The following NELL1 variants were observed in gnomAD, a reference collection of about 807,000 sequenced individuals.
NELL1 encodes neural EGFL like 1.
A neutral mutation model predicts 107.4 loss-of-function variants in NELL1; 76 were observed. The ratio of observed to expected loss-of-function variants is 0.71; its 90% CI spans 0.59 to 0.86. The LOEUF is 0.86. NELL1 is among the 40% of genes least tolerant of loss of function. The pLI is 0.00. For missense variants in NELL1, 1,024 were observed against 1,005.5 expected, an observed-to-expected ratio of 1.02 and a Z score of -0.25; for synonymous variants, 353 against 341.2, an observed-to-expected ratio of 1.03 and a Z score of -0.38.
At chr11:21,142,622 A>G (rs1855893897) in intron 13 of NELL1, among the ~76,000 whole-genome samples, 1 of 152,162 alleles carries the variant, frequency 6.6e-6, no homozygotes, top group African/African-American at 2.4e-5. Flanking sequence ...TGTGGTTCTG[A>G]AGTAATAGAA....
At chr11:21,200,497 A>G (rs1857244977) in intron 13 of NELL1, among the ~76,000 whole-genome samples, 1 of 151,762 alleles carries the variant, frequency 6.6e-6, no homozygotes, top group Non-Finnish European at 1.5e-5. Context: ...TTTTTCTTGT[A>G]AATTTGTTGA....
At chr11:21,405,812 T>TC (rs554819042) in intron 15 of NELL1, among the ~76,000 whole-genome samples, 40 of 151,858 alleles carry the variant, frequency 2.6e-4, no homozygotes, top group Non-Finnish European at 4.3e-4. Flanking sequence ...TTATTTTCCT[T>TC]CCCCCAACCT....
chr11:20,948,534 T>G (rs961763661), intron 11 of NELL1, among the ~76,000 whole-genome samples: 2 of 152,132 alleles, frequency 1.3e-5, no homozygotes, highest in Admixed American at 1.3e-4. Context: ...GACAATAGTT[T>G]ATTGTTAAGT....
intron 14 of NELL1, among the ~76,000 whole-genome samples, chr11:21,233,388 T>C (rs1020550775): frequency 3.3e-5 from 5 of 152,192 alleles, no homozygotes; most frequent in African/African-American, 1.2e-4. Flanking sequence ...TTTCCCTCCC[T>C]TTCCTCCTTT....
intron 15 of NELL1, among the ~76,000 whole-genome samples, chr11:21,409,499 T>A (rs1351814742): frequency 1.3e-5 from 2 of 151,802 alleles, no homozygotes; most frequent in Admixed American, 6.6e-5. Flanking sequence ...AGTTAATGGG[T>A]GCAGCACACC....
In NELL1 at chr11:20,705,644, C is replaced by T. The variant is rs959085713; in HGVS notation, c.184+27584C>T. On this transcript the variant is annotated intron_variant, in intron 2 of 19. Coordinates refer to ENST00000357134, the MANE Select transcript of NELL1 (RefSeq NM_006157.5). ...TCTAAAACACCAAAAGCAATGGCAA[C>T]AAAAGCCAAAATTGACAAATGGGAT... is the stretch of plus-strand genomic sequence containing the variant. Among the ~76,000 whole-genome samples, 5 of 142,338 alleles carry T rather than the reference C, an allele frequency of 3.5e-5. 2 individuals are homozygous for T. The highest frequency in any genetic ancestry group is 6.2e-5 in the Non-Finnish European group (4 of 64,468). 93.4% of individuals were successfully genotyped at this position (142,338 alleles called of 152,430 possible). A position where few individuals can be genotyped will look rare whatever the true frequency, so the allele number is the denominator to read the frequency against.
At chr11:21,288,862 A>AG (rs1203406479) in intron 14 of NELL1, among the ~76,000 whole-genome samples, 3 of 152,148 alleles carry the variant, frequency 2.0e-5, no homozygotes, top group Non-Finnish European at 2.9e-5. Context: ...ATTGTCAGTC[A>AG]GGGGGCCTCC....
intron 10 of NELL1, among the ~76,000 whole-genome samples, chr11:20,946,290 T>C (rs1299987000): frequency 1.3e-5 from 2 of 152,164 alleles, no homozygotes; most frequent in African/African-American, 4.8e-5. Context: ...AGATGCCTCT[T>C]CTTGAGCTTG....
At position 20,927,441 on chromosome 11, in the gene NELL1, A is replaced by C; in HGVS notation, c.893A>C (p.Lys298Thr). 6.2e-7 allele frequency: 1 copy of C among 1,607,836 alleles called. No homozygotes were observed. Among genetic ancestry groups the C allele is most frequent in the Non-Finnish European group, 8.5e-7 (1 of 1,178,842 alleles). ...GACCATTGCAGGAACTGCACTTGCA[A>C]AGTAAGCCTCTTTGTAAATAAATAC... ...DGDHCRNCTC[K>T]SGAVECRRMS... The change falls in exon 8 of 20, where the codon AAA (lysine) becomes ACA (threonine). Residue 298 changes from lysine (K) to threonine (T), a missense_variant and splice_region_variant. By Grantham distance (78) the Lys-to-Thr change is moderately conservative (BLOSUM62 -1). Transcript: ENST00000357134.
At chr11:21,425,197 C>T (rs1438163550) in intron 15 of NELL1, among the ~76,000 whole-genome samples, 1 of 152,030 alleles carries the variant, frequency 6.6e-6, no homozygotes. Flanking sequence ...CAAAGCAATC[C>T]CAATGACTCA....
Position 21,318,999 on chromosome 11 carries a change from G to T in NELL1, c.1550-51854G>T, listed in dbSNP as rs1302594240. On this transcript the variant is annotated intron_variant, in intron 14 of 19. Transcript: ENST00000357134. ...CTTTGGATTAAATGAGGTAATACTT[G>T]TAATGAGCTTGCTTAGAACATTGTG... 2.6e-5 allele frequency among the ~76,000 whole-genome samples: 4 copies of T among 151,968 alleles called. No individual in the cohort carries two copies. The South Asian group carries it at 8.3e-4, about 31-fold the overall frequency.
intron 12 of NELL1, among the ~76,000 whole-genome samples, chr11:20,980,814 T>G (rs1182153278): frequency 1.3e-5 from 2 of 152,162 alleles, no homozygotes; most frequent in African/African-American, 4.8e-5. Flanking sequence ...CACCAAATAT[T>G]TTTGATTCTA....
chr11:21,267,809 T>C (rs1848664045), intron 14 of NELL1, among the ~76,000 whole-genome samples: 1 of 152,176 alleles, frequency 6.6e-6, no homozygotes, highest in South Asian at 2.1e-4. Flanking sequence ...CTACTGGGCA[T>C]CTTTATGTGG....
At chr11:21,152,118 C>G (rs1039277024) in intron 13 of NELL1, among the ~76,000 whole-genome samples, 5 of 152,284 alleles carry the variant, frequency 3.3e-5, no homozygotes, top group Middle Eastern at 3.4e-3. Flanking sequence ...CTTCTAATGT[C>G]CTGCTATACC....
chr11:21,042,569 G>A (rs1363307962), intron 12 of NELL1, among the ~76,000 whole-genome samples: 2 of 152,166 alleles, frequency 1.3e-5, no homozygotes, highest in East Asian at 1.9e-4. Flanking sequence ...AAAAGCTGGG[G>A]CCTCAGATGA....
At chr11:21,404,697 A>C (rs750344512) in intron 15 of NELL1, among the ~76,000 whole-genome samples, 2 of 152,038 alleles carry the variant, frequency 1.3e-5, no homozygotes, top group African/African-American at 2.4e-5. Context: ...GAAAATTAGA[A>C]ATTTTAGGCA....
rs780205351 is a variant in NELL1 at position 20,928,479 on chromosome 11, C to T, written c.997C>T (p.Pro333Ser). ...IAGQCCKVCRPKCIYGGKVLA... is the reference protein window; with the variant it reads ...IAGQCCKVCRSKCIYGGKVLA... Reference sequence around the variant, plus strand: ...TGGCCAGTGCTGTAAGGTCTGCCGACGTAAGTACTGACTGAGGGTCAGACT... The same window carrying T: ...TGGCCAGTGCTGTAAGGTCTGCCGATGTAAGTACTGACTGAGGGTCAGACT... Residue 333 changes from proline to serine, a missense_variant and splice_region_variant, in exon 9 of 20, where the codon CCA becomes TCA. By Grantham distance (74) the Pro-to-Ser change is moderately conservative. Transcript: ENST00000357134. 3.2e-5 allele frequency: 52 copies of T among 1,611,238 alleles called. No individual in the cohort carries two copies. Among genetic ancestry groups the T allele is most frequent in the Admixed American group, 1.5e-4 (9 of 59,982 alleles).
chr11:20,694,529 TC>T (rs1473216231), intron 2 of NELL1, among the ~76,000 whole-genome samples: 3 of 152,140 alleles, frequency 2.0e-5, no homozygotes, highest in Non-Finnish European at 4.4e-5. Context: ...GGGGGTCCTT[TC>T]CCCATCACTT....
At chr11:21,552,774 G>C (rs1025622373) in intron 16 of NELL1, among the ~76,000 whole-genome samples, 4 of 151,778 alleles carry the variant, frequency 2.6e-5, no homozygotes, top group African/African-American at 9.7e-5. Flanking sequence ...ATCAAATAAA[G>C]CTTCATTAAT....
Sources: allele counts gnomAD v4.1 joint callset (sites outside exome capture counted in the v4.1 genomes callset), GRCh38; gene constraint gnomAD v4.1.1; transcripts MANE v1.5; gene names NCBI Gene and HGNC (gene_info 2026-07-23, HGNC 2026-07-21).